Variants in FARS2 observed in about 807,000 individuals in gnomAD.
The protein encoded by FARS2 is phenylalanyl-tRNA synthetase 2, mitochondrial.
A neutral mutation model predicts 46.4 loss-of-function variants in FARS2; 40 were observed. The observed-to-expected ratio is 0.86, with a 90% CI of 0.67 to 1.12. FARS2 has a LOEUF of 1.12. Ranked by LOEUF, FARS2 falls within the 50% of genes most tolerant of loss-of-function variation. The pLI is 0.00. For missense variants in FARS2, 513 were observed against 567.9 expected (o/e 0.90, Z 0.98); for synonymous variants, 234 against 214.9 (o/e 1.09, Z -0.78).
intron 6 of FARS2, among the ~76,000 whole-genome samples, chr6:5,627,673 T>C (rs187956982): frequency 6.6e-6 from 1 of 152,374 alleles, no homozygotes; most frequent in East Asian, 1.9e-4. Context: ...GGTCTTTAGC[T>C]TTCTACTATA....
rs147818268 is a variant in FARS2, at chr6:5,727,480, C to T, written c.1218-43811C>T. 1.3e-3 allele frequency among the ~76,000 whole-genome samples: 192 copies of T among 152,316 alleles called. 4 individuals are homozygous for T. The East Asian group carries it at 0.026, about 21-fold the overall frequency. On this transcript the variant is annotated intron_variant, in intron 6 of 6. Transcript: ENST00000274680. The surrounding 1 kb of genome is among the most constrained non-coding windows in gnomAD (Gnocchi z 4.1). Reference sequence around the variant, plus strand: ...GACTTTCTGTTTAAATAAAATGCCACGCTAGCGGGTTTCGGGTAACTGAAG... The same window carrying T: ...GACTTTCTGTTTAAATAAAATGCCATGCTAGCGGGTTTCGGGTAACTGAAG...
chr6:5,635,067 A>G (rs1340033375), intron 6 of FARS2, among the ~76,000 whole-genome samples: 3 of 152,192 alleles, frequency 2.0e-5, no homozygotes, highest in Non-Finnish European at 4.4e-5. Context: ...GAACCATTCG[A>G]GCAAGTTACT....
At chr6:5,301,398 C>T (rs1768288781) in intron 1 of FARS2, among the ~76,000 whole-genome samples, 1 of 152,114 alleles carries the variant, frequency 6.6e-6, no homozygotes, top group Non-Finnish European at 1.5e-5. Context: ...CTGCAGTGAG[C>T]TGTGATCGTG....
rs76704583 is a variant in FARS2 at position 5,369,443 on chromosome 6, G to A, written c.612+261G>A. Among the ~76,000 whole-genome samples the A allele has an allele frequency of 9.0e-3, 1,364 of 152,172 alleles. 8 individuals are homozygous for A. Among genetic ancestry groups the A allele is most frequent in the Non-Finnish European group, 0.015 (998 of 68,004 alleles). ...TTATCCTTTCTCTCAATACTGACCC[G>A]CCATTCTCTGGGTTACTTCTTATGA... On this transcript the variant is annotated intron_variant, in intron 2 of 6. Transcript: ENST00000274680.
intron 6 of FARS2, among the ~76,000 whole-genome samples, chr6:5,664,738 A>G (rs531724387): frequency 6.6e-6 from 1 of 152,300 alleles, no homozygotes; most frequent in South Asian, 2.1e-4. Context: ...GAGCACCAAC[A>G]TGGACGCTTC....
intron 2 of FARS2, among the ~76,000 whole-genome samples, chr6:5,389,840 G>A (rs766190443): frequency 6.5e-4 from 80 of 122,722 alleles, no homozygotes; most frequent in Middle Eastern, 4.2e-3. Context: ...TGTTTTTGTC[G>A]TTGTTGTTGT....
chr6:5,723,329 C>T (rs1253728945), intron 6 of FARS2, among the ~76,000 whole-genome samples: 1 of 152,182 alleles, frequency 6.6e-6, no homozygotes, highest in Non-Finnish European at 1.5e-5. Flanking sequence ...GCTTGTTCAA[C>T]CCTAGTTATT....
chr6:5,754,706 G>T (rs1036452497), intron 6 of FARS2, among the ~76,000 whole-genome samples: 12 of 152,170 alleles, frequency 7.9e-5, no homozygotes, highest in South Asian at 2.1e-4. Flanking sequence ...AATTGATGTA[G>T]GTTGACAGTT....
intron 1 of FARS2, among the ~76,000 whole-genome samples, chr6:5,362,860 A>G (rs553765291): frequency 1.4e-5 from 2 of 147,768 alleles, no homozygotes; most frequent in Non-Finnish European, 3.0e-5. Flanking sequence ...TCACATACCT[A>G]TTGACCATTT....
the FARS2 span, among the ~76,000 whole-genome samples, chr6:5,255,843 T>G: frequency 1.3e-5 from 2 of 152,204 alleles, no homozygotes; most frequent in South Asian, 4.1e-4. Flanking sequence ...CAAAAACGTC[T>G]TCAGATATTG....
chr6:5,290,196 C>T (rs983193190), intron 1 of FARS2, among the ~76,000 whole-genome samples: 1 of 152,098 alleles, frequency 6.6e-6, no homozygotes, highest in African/African-American at 2.4e-5. Flanking sequence ...TGACATTTTA[C>T]CCCCATTTAT....
intron 4 of FARS2, among the ~76,000 whole-genome samples, chr6:5,523,077 C>CT (rs1273355341): frequency 1.3e-5 from 2 of 152,172 alleles, no homozygotes; most frequent in Non-Finnish European, 2.9e-5. Flanking sequence ...AAGTAAACTT[C>CT]TAGAATAGTT....
chr6:5,432,090 G>A (rs1306989532), intron 4 of FARS2, among the ~76,000 whole-genome samples: 2 of 150,038 alleles, frequency 1.3e-5, no homozygotes, highest in Non-Finnish European at 3.0e-5. Flanking sequence ...GGCTGAGGTG[G>A]GTGGATCACC....
At chr6:5,285,868 G>A (rs1044932361) in intron 1 of FARS2, among the ~76,000 whole-genome samples, 2 of 152,106 alleles carry the variant, frequency 1.3e-5, no homozygotes, top group Non-Finnish European at 2.9e-5. Context: ...TTCTTTGCAC[G>A]GGGCTTCTTC....
At chr6:5,352,040 G>A (rs901870486) in intron 1 of FARS2, among the ~76,000 whole-genome samples, 2 of 151,872 alleles carry the variant, frequency 1.3e-5, no homozygotes, top group African/African-American at 4.8e-5. Context: ...TGTTCAGCCC[G>A]TGGCCTGTAG....
At position 5,343,306 on chromosome 6, in the gene FARS2, G is replaced by A. The variant is rs1757002921; in HGVS notation, c.-21-25244G>A. 6.6e-6 allele frequency among the ~76,000 whole-genome samples: 1 copy of A among 152,104 alleles called. No individual in the cohort carries two copies. The highest frequency in any genetic ancestry group is 6.5e-5 in the Admixed American group (1 of 15,268). ...GGCTCACTGCAACCTTCACCGCCCTGGTTCCAGTGATTCTCCTGTCTCAGC... is the reference window on the plus strand; with the variant it reads ...GGCTCACTGCAACCTTCACCGCCCTAGTTCCAGTGATTCTCCTGTCTCAGC... On this transcript the variant is annotated intron_variant, in intron 1 of 6. Transcript: ENST00000274680. The surrounding 1 kb of genome is among the most constrained non-coding windows in gnomAD (Gnocchi z 4.5).
chr6:5,497,356 G>A (rs1270092668), intron 4 of FARS2, among the ~76,000 whole-genome samples: 1 of 152,226 alleles, frequency 6.6e-6, no homozygotes, highest in Non-Finnish European at 1.5e-5. Context: ...CCAGGGGCCA[G>A]CATCGTTGCA....
intron 6 of FARS2, among the ~76,000 whole-genome samples, chr6:5,682,944 G>A (rs1036072906): frequency 1.3e-5 from 2 of 152,178 alleles, no homozygotes; most frequent in African/African-American, 4.8e-5. Context: ...AAAGGCTGGG[G>A]ACATAGCGGG....
intron 5 of FARS2, among the ~76,000 whole-genome samples, chr6:5,551,373 T>C (rs547053205): frequency 6.6e-6 from 1 of 152,314 alleles, no homozygotes; most frequent in Admixed American, 6.5e-5. Context: ...CAGTATAGGT[T>C]TTCTCTACCA....
Sources: allele counts gnomAD v4.1 joint callset (sites outside exome capture counted in the v4.1 genomes callset), GRCh38; gene constraint gnomAD v4.1.1; non-coding constraint Gnocchi (gnomAD v3.1); transcripts MANE v1.5; gene names NCBI Gene and HGNC (gene_info 2026-07-23, HGNC 2026-07-21).